The following GABRB1 variants were observed in gnomAD, a reference collection of about 807,000 sequenced individuals.
The protein encoded by GABRB1 is gamma-aminobutyric acid type A receptor subunit beta1, also known as gamma-aminobutyric acid receptor subunit beta-1.
Under a neutral mutation model 51.6 loss-of-function variants are expected in GABRB1, and 17 were observed. That is an observed-to-expected ratio of 0.33 (90% CI 0.23 to 0.49). The LOEUF (loss-of-function observed/expected upper bound fraction) is 0.49. GABRB1 is among the 20% of genes least tolerant of loss of function. The probability of loss-of-function intolerance (pLI) is 0.99; values close to 1 mark genes in which losing one functional copy is unlikely to be tolerated. For synonymous variants in GABRB1, 247 were observed against 218.9 expected (o/e 1.13, Z -1.14); for missense variants, 410 against 600.6 (o/e 0.68, Z 3.32).
intron 4 of GABRB1, among the ~76,000 whole-genome samples, chr4:47,179,906 C>T (rs1439131118): frequency 6.6e-6 from 1 of 152,056 alleles, no homozygotes; most frequent in East Asian, 1.9e-4. Context: ...AGCCTTGACT[C>T]CAAATTACTA....
chr4:47,068,404 C>G (rs1162098395), intron 3 of GABRB1, among the ~76,000 whole-genome samples: 1 of 152,224 alleles, frequency 6.6e-6, no homozygotes, highest in Non-Finnish European at 1.5e-5. Flanking sequence ...GACCAATTTT[C>G]AGCCTATCTG....
At chr4:47,041,087 T>C (rs911587847) in intron 3 of GABRB1, among the ~76,000 whole-genome samples, 13 of 152,150 alleles carry the variant, frequency 8.5e-5, no homozygotes, top group Non-Finnish European at 1.5e-4. Context: ...GAAAGCAGTG[T>C]AAAGCAGTGT....
chr4:47,173,635 G>C (rs1288429049), intron 4 of GABRB1, among the ~76,000 whole-genome samples: 5 of 152,174 alleles, frequency 3.3e-5, no homozygotes, highest in Non-Finnish European at 5.9e-5. Flanking sequence ...TTTTAAAAGT[G>C]ATGTCTGCTG....
intron 5 of GABRB1, among the ~76,000 whole-genome samples, chr4:47,388,883 G>A (rs1434779103): frequency 1.3e-5 from 2 of 152,282 alleles, no homozygotes; most frequent in African/African-American, 4.8e-5. Context: ...AGAAAAAAAG[G>A]ATTGGGTTTG....
chr4:47,272,486 T>G (rs1462916196), intron 4 of GABRB1, among the ~76,000 whole-genome samples: 4 of 152,194 alleles, frequency 2.6e-5, no homozygotes, highest in African/African-American at 9.6e-5. Flanking sequence ...TGCTTCTTTT[T>G]TAACATTATT....
rs190222410 is a variant in GABRB1 at position 47,414,148 on chromosome 4, A to G, written c.1080+7222A>G. Among the ~76,000 whole-genome samples, 25 of 152,322 alleles carry G rather than the reference A, an allele frequency of 1.6e-4. 1 individual carries two copies. The highest frequency in any genetic ancestry group is 1.2e-3 in the South Asian group (6 of 4,832). On this transcript the variant is annotated intron_variant, in intron 8 of 8. Coordinates refer to ENST00000295454, the MANE Select transcript of GABRB1 (RefSeq NM_000812.4). ...CCGTGTCACAGGGGACACCAGAGGA[A>G]TCTGCCAAAGATTCATTCTGTGAAC...
intron 5 of GABRB1, among the ~76,000 whole-genome samples, chr4:47,326,201 A>G (rs112974132): frequency 1.3e-5 from 2 of 152,190 alleles, no homozygotes; most frequent in Admixed American, 1.3e-4. Context: ...TGCTCCTGAC[A>G]TCATCATGGC....
At chr4:47,320,622 G>A (rs1032889480) in intron 5 of GABRB1, among the ~76,000 whole-genome samples, 1 of 152,132 alleles carries the variant, frequency 6.6e-6, no homozygotes, top group African/African-American at 2.4e-5. Flanking sequence ...TGAATAATGT[G>A]TCTTTCCTCA....
At chr4:47,150,700 C>T (rs1213587591) in intron 3 of GABRB1, among the ~76,000 whole-genome samples, 1 of 151,470 alleles carries the variant, frequency 6.6e-6, no homozygotes, top group Non-Finnish European at 1.5e-5. Flanking sequence ...CACAAAATTG[C>T]CTACCACATT....
chr4:47,239,277 G>A (rs181346112), intron 4 of GABRB1, among the ~76,000 whole-genome samples: 128 of 152,236 alleles, frequency 8.4e-4, no homozygotes, highest in African/African-American at 3.0e-3. Context: ...CATTCATATT[G>A]TTGACTGAAT....
intron 4 of GABRB1, among the ~76,000 whole-genome samples, chr4:47,217,933 C>G (rs1317055679): frequency 6.6e-6 from 1 of 151,652 alleles, no homozygotes; most frequent in Non-Finnish European, 1.5e-5. Context: ...GAACTTATTC[C>G]TTCTATCTAA....
chr4:47,032,883 G>A (rs569175005), intron 3 of GABRB1: 1 of 388,422 alleles, frequency 2.6e-6, no homozygotes, highest in East Asian at 7.0e-5. Flanking sequence ...CCCCAGGCGC[G>A]GTGCTGGCAA....
rs1439405818 is a variant in GABRB1, at chr4:47,158,043, C to G, written c.241-3206C>G. On this transcript the variant is annotated intron_variant, in intron 3 of 8. Coordinates refer to ENST00000295454, the MANE Select transcript of GABRB1 (RefSeq NM_000812.4). Reference sequence around the variant, plus strand: ...ATTGAAAACAGAATGAGTTGTATAACAAAGGTTTCACCACATGGCATGTAG... The same window carrying G: ...ATTGAAAACAGAATGAGTTGTATAAGAAAGGTTTCACCACATGGCATGTAG... Among the ~76,000 whole-genome samples, 4 of 152,026 alleles carry G rather than the reference C, an allele frequency of 2.6e-5. No individual in the cohort carries two copies. The East Asian group carries it at 7.7e-4, about 29-fold the overall frequency.
At chr4:47,349,471 T>C (rs1211625167) in intron 5 of GABRB1, among the ~76,000 whole-genome samples, 1 of 152,230 alleles carries the variant, frequency 6.6e-6, no homozygotes, top group Non-Finnish European at 1.5e-5. Context: ...AACTGTGGTC[T>C]GAAAATCATA....
At chr4:47,206,680 T>C (rs4508858) in intron 4 of GABRB1, among the ~76,000 whole-genome samples, 128,518 of 151,664 alleles carry the variant, frequency 0.85, 54,435 homozygotes, top group Middle Eastern at 0.91. Flanking sequence ...ACTTATCCAA[T>C]GTCACAGAAC....
intron 4 of GABRB1, among the ~76,000 whole-genome samples, chr4:47,185,226 C>A (rs1048917923): frequency 2.6e-5 from 4 of 151,846 alleles, no homozygotes; most frequent in African/African-American, 9.7e-5. Flanking sequence ...CAAAAGTTAA[C>A]TGAAATCCTT....
chr4:47,133,186 G>A (rs1716500568), intron 3 of GABRB1, among the ~76,000 whole-genome samples: 1 of 152,158 alleles, frequency 6.6e-6, no homozygotes, highest in Non-Finnish European at 1.5e-5. Context: ...AGCACCTTGA[G>A]CACAGCCTGG....
At chr4:47,049,810 T>A (rs982972555) in intron 3 of GABRB1, among the ~76,000 whole-genome samples, 1 of 152,178 alleles carries the variant, frequency 6.6e-6, no homozygotes, top group African/African-American at 2.4e-5. Context: ...GAACATAGTT[T>A]AGGGAAAAAC....
chr4:47,094,554 CT>C (rs1714300686), intron 3 of GABRB1, among the ~76,000 whole-genome samples: 1 of 152,048 alleles, frequency 6.6e-6, no homozygotes, highest in South Asian at 2.1e-4. Flanking sequence ...TTAAGATTTA[CT>C]GTTGAGAACA....
Sources: allele counts gnomAD v4.1 joint callset (sites outside exome capture counted in the v4.1 genomes callset), GRCh38; gene constraint gnomAD v4.1.1; transcripts MANE v1.5; gene names NCBI Gene and HGNC (gene_info 2026-07-23, HGNC 2026-07-21).